CDYL2: variants seen among roughly 807,000 people sequenced by gnomAD.
CDYL2 encodes the protein chromodomain Y-like protein 2.
Under a neutral mutation model 49.4 loss-of-function variants are expected in CDYL2, and 23 were observed. The observed-to-expected ratio is 0.47, with a 90% confidence interval of 0.34 to 0.66. The LOEUF is 0.66. Ranked by LOEUF, CDYL2 falls within the 30% of genes least tolerant of loss-of-function variation. The pLI, the probability that CDYL2 is intolerant of heterozygous loss-of-function variation, is 0.01. For missense variants in CDYL2, 678 were observed against 656.4 expected, an observed-to-expected ratio of 1.03 and a Z score of -0.36; for synonymous variants, 360 against 268.8, an observed-to-expected ratio of 1.34 and a Z score of -3.32.
chr16:80,734,613 A>C (rs771564799), intron 1 of CDYL2, among the ~76,000 whole-genome samples: 9 of 152,156 alleles, frequency 5.9e-5, no homozygotes, highest in Non-Finnish European at 1.3e-4. Context: ...TTTGACAATT[A>C]AAGGCATGGG....
chr16:80,673,237 T>C (rs1909604280), intron 2 of CDYL2, among the ~76,000 whole-genome samples: 1 of 152,046 alleles, frequency 6.6e-6, no homozygotes, highest in Admixed American at 6.6e-5. Context: ...GGAGAATCGT[T>C]TGGACCCGGG....
chr16:80,648,278 G>A (rs1001129912), intron 2 of CDYL2, among the ~76,000 whole-genome samples: 2 of 152,042 alleles, frequency 1.3e-5, no homozygotes, highest in African/African-American at 4.8e-5. Context: ...AAGAAAAACA[G>A]AGAGAAGACC....
At chr16:80,695,345 A>T (rs185345375) in intron 1 of CDYL2, among the ~76,000 whole-genome samples, 102 of 152,374 alleles carry the variant, frequency 6.7e-4, no homozygotes, top group African/African-American at 2.5e-3. Context: ...GAAGAAAGAA[A>T]CAAAGGCTAT....
At position 80,601,128 on chromosome 16, in the gene CDYL2, G is replaced by A. The variant is rs1400838750; in HGVS notation, c.*3260C>T. On this transcript the variant is annotated 3_prime_UTR_variant, in exon 7 of 7. Transcript: ENST00000570137. ...CGGAAGGGGCACATTAAGTACATCA[G>A]CATTAGGCTGTGTCTTCCAAATGGT... 1 of 152,284 alleles carries A rather than the reference G, an allele frequency of 6.6e-6. No homozygotes were observed. Among genetic ancestry groups the A allele is most frequent in the South Asian group, 2.1e-4 (1 of 4,818 alleles). 9.4% of individuals were successfully genotyped at this position (152,284 alleles called of 1,614,324 possible). A position where few individuals can be genotyped will look rare whatever the true frequency, so the allele number is the denominator to read the frequency against.
At chr16:80,707,079 C>A (rs550308311) in intron 1 of CDYL2, among the ~76,000 whole-genome samples, 2 of 152,226 alleles carry the variant, frequency 1.3e-5, no homozygotes, top group African/African-American at 4.8e-5. Context: ...CTCCCTGCAC[C>A]CAGAGCCTGC....
chr16:80,764,040 T>C (rs1906628791), intron 1 of CDYL2, among the ~76,000 whole-genome samples: 1 of 152,048 alleles, frequency 6.6e-6, no homozygotes, highest in Non-Finnish European at 1.5e-5. Flanking sequence ...AATGAGATTA[T>C]AAATATCCAA....
intron 1 of CDYL2, among the ~76,000 whole-genome samples, chr16:80,783,615 A>T (rs2142407463): frequency 6.6e-6 from 1 of 152,334 alleles, no homozygotes; most frequent in African/African-American, 2.4e-5. Flanking sequence ...TGCATAAACA[A>T]CATGTGGTAT....
chr16:80,755,515 T>C (rs767501005), intron 1 of CDYL2, among the ~76,000 whole-genome samples: 3 of 152,168 alleles, frequency 2.0e-5, no homozygotes, highest in Non-Finnish European at 4.4e-5. Flanking sequence ...CAATAAAGAA[T>C]CTGGCCAAAT....
intron 1 of CDYL2, among the ~76,000 whole-genome samples, chr16:80,752,733 G>C (rs1906178437): frequency 1.3e-5 from 2 of 152,232 alleles, no homozygotes; most frequent in Non-Finnish European, 2.9e-5. Context: ...AAGCGGGAAA[G>C]CTCTGTCAGT....
At chr16:80,629,710 G>C (rs1175773272) in intron 3 of CDYL2, among the ~76,000 whole-genome samples, 1 of 152,176 alleles carries the variant, frequency 6.6e-6, no homozygotes, top group Non-Finnish European at 1.5e-5. Flanking sequence ...AGTAATGTAT[G>C]AATTTCTGCC....
intron 1 of CDYL2, among the ~76,000 whole-genome samples, chr16:80,720,637 G>A (rs1011147236): frequency 1.3e-5 from 2 of 152,218 alleles, no homozygotes; most frequent in Non-Finnish European, 2.9e-5. Context: ...TTGCTGCTGG[G>A]AAAACATGCT....
Position 80,804,311 on chromosome 16 carries a change from T to G in CDYL2, c.-138A>C. The G allele has an allele frequency of 2.9e-6, 2 of 678,700 alleles. No individual in the cohort carries two copies. Among genetic ancestry groups the G allele is most frequent in the Non-Finnish European group, 4.0e-6 (2 of 500,024 alleles). The allele number at this position is 678,700 out of a possible 1,614,324, so 42.0% of individuals were successfully genotyped here. ...TGTGTGTGGTGTGTTGAGTAAACTGTGTTTTTGCAGAATGACAGGCTTGGG... is the reference window on the plus strand; with the variant it reads ...TGTGTGTGGTGTGTTGAGTAAACTGGGTTTTTGCAGAATGACAGGCTTGGG... On this transcript the variant is annotated 5_prime_UTR_variant, in exon 1 of 7. Coordinates refer to ENST00000570137, the MANE Select transcript of CDYL2 (RefSeq NM_152342.4).
intron 1 of CDYL2, among the ~76,000 whole-genome samples, chr16:80,724,254 G>C (rs1334266877): frequency 6.6e-6 from 1 of 150,624 alleles, no homozygotes. Flanking sequence ...AGAAGATGAG[G>C]AGAAAGAGGA....
chr16:80,698,026 A>G (rs1462248951), intron 1 of CDYL2, among the ~76,000 whole-genome samples: 1 of 130,412 alleles, frequency 7.7e-6, no homozygotes, highest in African/African-American at 2.4e-5. Context: ...GACATTCTGC[A>G]CAGAAATAGA....
At chr16:80,688,980 C>T (rs1388446693) in intron 1 of CDYL2, among the ~76,000 whole-genome samples, 4 of 152,286 alleles carry the variant, frequency 2.6e-5, no homozygotes, top group East Asian at 1.9e-4. Flanking sequence ...GCTCTGCCCC[C>T]GCTCTACCTG....
intron 1 of CDYL2, among the ~76,000 whole-genome samples, chr16:80,694,372 G>C (rs1156235845): frequency 6.6e-6 from 1 of 152,062 alleles, no homozygotes; most frequent in African/African-American, 2.4e-5. Flanking sequence ...TGCTCTAGTT[G>C]GTAAAATTGT....
At chr16:80,711,749 A>C (rs1164546035) in intron 1 of CDYL2, among the ~76,000 whole-genome samples, 1 of 152,006 alleles carries the variant, frequency 6.6e-6, no homozygotes, top group African/African-American at 2.4e-5. Flanking sequence ...CTTAATAAAT[A>C]CTCAGTAAAT....
intron 1 of CDYL2, among the ~76,000 whole-genome samples, chr16:80,801,553 A>C (rs1305524028): frequency 1.3e-5 from 2 of 152,226 alleles, no homozygotes; most frequent in Non-Finnish European, 2.9e-5. Context: ...ATCAATTACA[A>C]ACGTAAGAAC....
At chr16:80,684,377 C>G (rs530074817) in intron 2 of CDYL2, among the ~76,000 whole-genome samples, 161 bp downstream of exon 2, 2 of 152,082 alleles carry the variant, frequency 1.3e-5, no homozygotes, top group African/African-American at 2.4e-5. Flanking sequence ...GGCCTACGAC[C>G]GAGTCCACAA....
Sources: allele counts gnomAD v4.1 joint callset (sites outside exome capture counted in the v4.1 genomes callset), GRCh38; gene constraint gnomAD v4.1.1; transcripts MANE v1.5; gene names NCBI Gene and HGNC (gene_info 2026-07-23, HGNC 2026-07-21).